The following MTHFD1 variants were observed in gnomAD, a reference collection of about 807,000 sequenced individuals.
MTHFD1 encodes the protein methylenetetrahydrofolate dehydrogenase, cyclohydrolase and formyltetrahydrofolate synthetase 1, also known as C-1-tetrahydrofolate synthase, cytoplasmic.
Under a neutral mutation model 110.3 loss-of-function variants are expected in MTHFD1, and 44 were observed. The ratio of observed to expected loss-of-function variants is 0.40; its 90% confidence interval spans 0.31 to 0.51. MTHFD1 has a LOEUF of 0.51. MTHFD1 is among the 20% of genes least tolerant of loss of function. The probability of loss-of-function intolerance (pLI) is 0.60; values close to 1 mark genes in which losing one functional copy is unlikely to be tolerated. For synonymous variants in MTHFD1, 402 were observed against 428.8 expected, an observed-to-expected ratio of 0.94 and a Z score of 0.77; for missense variants, 909 against 1,173.1, an observed-to-expected ratio of 0.77 and a Z score of 3.29.
chr14:64,455,369 G>A (rs1347521448), intron 26 of MTHFD1, among the ~76,000 whole-genome samples: 1 of 152,202 alleles, frequency 6.6e-6, no homozygotes, highest in African/African-American at 2.4e-5. Flanking sequence ...GGACCCTTGA[G>A]ATATGAAAGG....
rs555828670 is a variant in MTHFD1, at chr14:64,420,441, C to T, written c.727+516C>T. On this transcript the variant is annotated intron_variant, in intron 8 of 27. Transcript: ENST00000652337. Reference sequence around the variant, plus strand: ...TCGGCATCCTCATCCCCAAGTTACCCCTTACTCCCGTCTTTTGGTTAGTAT... The same window carrying T: ...TCGGCATCCTCATCCCCAAGTTACCTCTTACTCCCGTCTTTTGGTTAGTAT... Among the ~76,000 whole-genome samples, 4 of 152,250 alleles carry T rather than the reference C, an allele frequency of 2.6e-5. No individual in the cohort carries two copies. The South Asian group carries it at 8.3e-4, about 32-fold the overall frequency.
intron 16 of MTHFD1, among the ~76,000 whole-genome samples, chr14:64,436,947 T>C (rs1652758027): frequency 6.6e-6 from 1 of 152,244 alleles, no homozygotes; most frequent in Non-Finnish European, 1.5e-5. Flanking sequence ...TACTTTTTTC[T>C]TTTGAAAAAT....
rs777150520 is a variant in MTHFD1, at chr14:64,417,862, C to G, written c.479-26C>G. On this transcript the variant is annotated intron_variant, in intron 6 of 27. Coordinates refer to ENST00000652337, the MANE Select transcript of MTHFD1 (RefSeq NM_005956.4). This position sits in a 1 kb window ranked among gnomAD's most constrained non-coding sequence, Gnocchi z 4.4. ...GGAGGGCAGCTTCTATCCTCCAACT[C>G]TGATGCAGGCTGGCTTTTCTTTCAG... 2 of 1,612,114 alleles carry G rather than the reference C, an allele frequency of 1.2e-6. No homozygotes were observed. Among genetic ancestry groups the G allele is most frequent in the South Asian group, 1.1e-5 (1 of 90,992 alleles).
chr14:64,401,994 G>C (rs2077901551), intron 2 of MTHFD1, among the ~76,000 whole-genome samples: 1 of 152,152 alleles, frequency 6.6e-6, no homozygotes, highest in South Asian at 2.1e-4. Flanking sequence ...CAGATGTGTA[G>C]CTATAAAAGG....
intron 4 of MTHFD1, among the ~76,000 whole-genome samples, chr14:64,413,379 G>A (rs2078000429): frequency 6.6e-6 from 1 of 152,092 alleles, no homozygotes; most frequent in African/African-American, 2.4e-5. Flanking sequence ...CCGATCCTTG[G>A]CCTGTAATTA....
chr14:64,415,464 A>G lies in MTHFD1; in HGVS notation c.347A>G (p.Asn116Ser), dbSNP rs1267246674. The change falls in exon 5 of 28, where the codon AAT becomes AGT. Residue 116 changes from asparagine to serine, a missense_variant. Coordinates refer to ENST00000652337, the MANE Select transcript of MTHFD1 (RefSeq NM_005956.4). ...ENSINTEEVI[N>S]AIAPEKDVDG... ...TCCATTAACACTGAAGAAGTGATCA[A>G]TGCTATTGCACCCGAGAAGGATGTG... is the stretch of plus-strand genomic sequence containing the variant. 3.7e-6 allele frequency: 6 copies of G among 1,614,062 alleles called. No individual in the cohort carries two copies. The Admixed American group carries it at 5.0e-5, about 13-fold the overall frequency.
intron 12 of MTHFD1, among the ~76,000 whole-genome samples, chr14:64,429,901 G>T (rs2078145018): frequency 1.3e-5 from 2 of 152,162 alleles, no homozygotes; most frequent in Admixed American, 1.3e-4. Context: ...TTGCCTTTAT[G>T]TAACTGTCAG....
intron 1 of MTHFD1, among the ~76,000 whole-genome samples, chr14:64,391,736 G>A (rs1380050169): frequency 6.6e-6 from 1 of 152,172 alleles, no homozygotes; most frequent in Non-Finnish European, 1.5e-5. Flanking sequence ...TTCTAAGTTT[G>A]CAGCCTGAAT....
At chr14:64,399,901 G>C (rs191900923) in intron 1 of MTHFD1, among the ~76,000 whole-genome samples, 239 of 152,158 alleles carry the variant, frequency 1.6e-3, no homozygotes, top group African/African-American at 5.6e-3. Context: ...GCAGCCTCCT[G>C]AGTAGCTGGG....
chr14:64,441,821 T>A, intron 19 of MTHFD1: 11 of 568,644 alleles, frequency 1.9e-5, no homozygotes, highest in East Asian at 6.1e-5. Flanking sequence ...AAAAAAAAAA[T>A]TAAGCACACT....
Position 64,439,894 on chromosome 14 carries a change from CAAAAAAAAAAA to C in MTHFD1, c.1675-218_1675-208del, listed in dbSNP as rs760527922. Among the ~76,000 whole-genome samples the C allele has an allele frequency of 1.0e-3, 58 of 56,578 alleles. No homozygotes were observed. The South Asian group carries it at 0.027, about 26-fold the overall frequency. The allele number at this position is 56,578 out of a possible 152,430, so 37.1% of individuals were successfully genotyped here. A position where few individuals can be genotyped will look rare whatever the true frequency, so the allele number is the denominator to read the frequency against. ...GGGCAACAGACCGAGACTCTGTCTC[CAAAAAAAAAAA>C]AAAAAAAAAAAAATGACAACTCAGG... is the stretch of plus-strand genomic sequence containing the variant. On this transcript the variant is annotated intron_variant, in intron 17 of 27. Coordinates refer to ENST00000652337, the MANE Select transcript of MTHFD1 (RefSeq NM_005956.4).
Position 64,453,761 on chromosome 14 carries a change from T to C in MTHFD1, c.2465T>C (p.Val822Ala), listed in dbSNP as rs1192746425. ...FQLLYDLKLP[V>A]EDKIRIIAQK... ...CTCTTTCTTGTGCATTAGCTCCCAG[T>C]TGAGGATAAAATCAGGATCATTGCA... is the stretch of plus-strand genomic sequence containing the variant. The change falls in exon 25 of 28, where the codon GTT becomes GCT. Residue 822 changes from valine to alanine, a missense_variant. Val to Ala is a moderately conservative substitution (Grantham distance 64). Around this residue, in one of 3 missense-constraint regions of MTHFD1, gnomAD observed 482 missense variants for 646.0 expected, o/e 0.75. Transcript: ENST00000652337. 1 of 1,603,922 alleles carries C rather than the reference T, an allele frequency of 6.2e-7. No individual in the cohort carries two copies. The highest frequency in any genetic ancestry group is 8.5e-7 in the Non-Finnish European group (1 of 1,171,042).
At position 64,400,715 on chromosome 14, in the gene MTHFD1, A is replaced by C; in HGVS notation, c.42-78A>C. On this transcript the variant is annotated intron_variant, in intron 1 of 27. Transcript: ENST00000652337. Reference sequence around the variant, plus strand: ...ATAAACAAACAAACAAATAAAAGAGAAATACATCTAATAATCTGCATCACT... The same window carrying C: ...ATAAACAAACAAACAAATAAAAGAGCAATACATCTAATAATCTGCATCACT... 6.4e-6 allele frequency: 6 copies of C among 932,988 alleles called. No individual in the cohort carries two copies. In the South Asian group the frequency reaches 6.8e-5, roughly 11 times the overall value. The allele number at this position is 932,988 out of a possible 1,614,324, so 57.8% of individuals were successfully genotyped here. A position where few individuals can be genotyped will look rare whatever the true frequency, so the allele number is the denominator to read the frequency against.
chr14:64,452,051 T>C (rs575742634), intron 24 of MTHFD1, among the ~76,000 whole-genome samples: 1 of 152,296 alleles, frequency 6.6e-6, no homozygotes, highest in African/African-American at 2.4e-5. Context: ...ATCCCAGCAC[T>C]TTGGGAAGCT....
At chr14:64,444,283 C>G (rs2078272294) in intron 21 of MTHFD1, among the ~76,000 whole-genome samples, 8 of 152,094 alleles carry the variant, frequency 5.3e-5, no homozygotes, top group Admixed American at 5.2e-4. Context: ...GAAACCATGG[C>G]AGGGCTCATC....
intron 4 of MTHFD1, among the ~76,000 whole-genome samples, chr14:64,413,307 G>A (rs554430286): frequency 4.6e-5 from 7 of 152,182 alleles, no homozygotes; most frequent in East Asian, 3.9e-4. Flanking sequence ...AGCCAAGATC[G>A]TACCATTGCA....
At position 64,431,781 on chromosome 14, in the gene MTHFD1, T is replaced by C; in HGVS notation, c.1420-6T>C. The C allele has an allele frequency of 6.2e-7, 1 of 1,614,086 alleles. No homozygotes were observed. Among genetic ancestry groups the C allele is most frequent in the African/African-American group, 1.3e-5 (1 of 75,060 alleles). On this transcript the variant is annotated splice_polypyrimidine_tract_variant and splice_region_variant and intron_variant, in intron 14 of 27. Transcript: ENST00000652337. Reference sequence around the variant, plus strand: ...CTCATTTTAAAGCCCCTTTCTTTTCTTTAAGGCTCTCTTTAATCGTTTGGT... The same window carrying C: ...CTCATTTTAAAGCCCCTTTCTTTTCCTTAAGGCTCTCTTTAATCGTTTGGT...
At chr14:64,409,586 G>T (rs2077965533) in intron 2 of MTHFD1, among the ~76,000 whole-genome samples, 1 of 152,062 alleles carries the variant, frequency 6.6e-6, no homozygotes, top group Admixed American at 6.5e-5. Flanking sequence ...GTGAGGGTTG[G>T]GTGGTGGGGC....
chr14:64,443,012 T>C (rs2078260563), intron 21 of MTHFD1, among the ~76,000 whole-genome samples: 1 of 152,222 alleles, frequency 6.6e-6, no homozygotes, highest in Non-Finnish European at 1.5e-5. Context: ...TAACACCTTT[T>C]CTTTAGGGCC....
Sources: gnomAD v4.1 joint callset for allele counts (sites outside exome capture counted in the v4.1 genomes callset) on GRCh38, gnomAD v4.1.1 for gene constraint, gnomAD v4.1.1 regional missense constraint, Gnocchi (gnomAD v3.1) non-coding constraint, MANE v1.5 for transcripts, NCBI Gene and HGNC (gene_info 2026-07-23, HGNC 2026-07-21) for gene names.